The following NPAS2 variants were observed in gnomAD, a reference collection of about 807,000 sequenced individuals.
NPAS2 encodes the protein neuronal PAS domain-containing protein 2.
Under a neutral mutation model 107.5 loss-of-function variants are expected in NPAS2, and 23 were observed. The observed-to-expected ratio is 0.21, with a 90% confidence interval of 0.15 to 0.30. The LOEUF is 0.30. Ranked by LOEUF, NPAS2 falls within the 10% of genes least tolerant of loss-of-function variation. The pLI, the probability that NPAS2 is intolerant of heterozygous loss-of-function variation, is 1.00. For synonymous variants in NPAS2, 403 were observed against 417.5 expected (o/e 0.97, Z 0.42); for missense variants, 756 against 1,043.3 (o/e 0.72, Z 3.79).
intron 1 of NPAS2, among the ~76,000 whole-genome samples, chr2:100,868,975 AGT>A (rs1679403482): frequency 6.6e-6 from 1 of 152,130 alleles, no homozygotes; most frequent in East Asian, 1.9e-4. Context: ...TTCTGCACCC[AGT>A]CTGGAGTGCA....
At chr2:100,960,511 C>T (rs1034544879) in intron 7 of NPAS2, among the ~76,000 whole-genome samples, 9 of 151,880 alleles carry the variant, frequency 5.9e-5, no homozygotes, top group South Asian at 2.1e-4. Context: ...GACCACGCCA[C>T]GCACCTGCTC....
intron 6 of NPAS2, among the ~76,000 whole-genome samples, 158 bp from the exon 7 acceptor site, chr2:100,949,209 A>C (rs1675079682): frequency 6.6e-6 from 1 of 152,220 alleles, no homozygotes; most frequent in Non-Finnish European, 1.5e-5. Flanking sequence ...CTGTGCAGCA[A>C]GGTTACAAAC....
At position 100,886,571 on chromosome 2, in the gene NPAS2, T is replaced by A. The variant is rs111671456; in HGVS notation, c.-22-18162T>A. Among the ~76,000 whole-genome samples the A allele has an allele frequency of 4.9e-3, 747 of 152,318 alleles. 4 individuals are homozygous for A. The highest frequency in any genetic ancestry group is 0.017 in the African/African-American group (713 of 41,564). The stretch of plus-strand genomic sequence containing the variant: ...CCACATTCTAGCTGCTTTAAGGGAT[T>A]GTGTTCTCAGGTCTCACAGATGGCC... On this transcript the variant is annotated intron_variant, in intron 1 of 20. Transcript: ENST00000335681.
chr2:100,910,958 C>G (rs930777070), intron 2 of NPAS2, among the ~76,000 whole-genome samples: 1 of 152,190 alleles, frequency 6.6e-6, no homozygotes, highest in Non-Finnish European at 1.5e-5. Flanking sequence ...TCTCCAGACT[C>G]TAAGCCTGGG....
intron 1 of NPAS2, among the ~76,000 whole-genome samples, chr2:100,874,459 G>A (rs1409645568): frequency 6.6e-6 from 1 of 152,040 alleles, no homozygotes; most frequent in Admixed American, 6.6e-5. Flanking sequence ...AGATAAAAAT[G>A]GGCTGGGCAC....
At chr2:100,917,482 C>T (rs1447126710) in intron 2 of NPAS2, among the ~76,000 whole-genome samples, 3 of 151,972 alleles carry the variant, frequency 2.0e-5, no homozygotes, top group East Asian at 1.9e-4. Flanking sequence ...GAGCCGAGAT[C>T]GTGCCATTGC....
intron 16 of NPAS2, chr2:100,985,491 G>T (rs949346723): frequency 6.6e-6 from 1 of 152,256 alleles, no homozygotes; most frequent in Non-Finnish European, 1.5e-5. Context: ...TGCTGTTACA[G>T]TCTGTTACAT....
intron 1 of NPAS2, among the ~76,000 whole-genome samples, chr2:100,863,127 C>G (rs560297618): frequency 1.3e-5 from 2 of 152,142 alleles, no homozygotes; most frequent in Admixed American, 6.5e-5. Context: ...AACAACAGCC[C>G]GACCTTCTCA....
intron 2 of NPAS2, among the ~76,000 whole-genome samples, chr2:100,924,197 T>G (rs1683417171): frequency 6.6e-6 from 1 of 152,148 alleles, no homozygotes; most frequent in Non-Finnish European, 1.5e-5. Context: ...ATTATCAGCA[T>G]CCCCCACCAG....
At chr2:100,864,608 G>C (rs1679146146) in intron 1 of NPAS2, among the ~76,000 whole-genome samples, 1 of 152,186 alleles carries the variant, frequency 6.6e-6, no homozygotes, top group African/African-American at 2.4e-5. Context: ...CTTTTATATT[G>C]CTTGAACATC....
chr2:100,949,276 C>T (rs1675083889), intron 6 of NPAS2, 91 bp from the exon 7 acceptor site: 2 of 781,852 alleles, frequency 2.6e-6, no homozygotes, highest in African/African-American at 3.5e-5. Flanking sequence ...TAGACTAAAT[C>T]CCATAAGAGT....
intron 1 of NPAS2, among the ~76,000 whole-genome samples, chr2:100,898,490 C>T (rs1475660186): frequency 1.3e-5 from 2 of 152,106 alleles, no homozygotes; most frequent in East Asian, 3.9e-4. Context: ...GTAATTACTG[C>T]ACAACTTTAG....
chr2:100,919,806 C>T (rs978882413), intron 2 of NPAS2, among the ~76,000 whole-genome samples: 2 of 152,188 alleles, frequency 1.3e-5, no homozygotes, highest in Admixed American at 6.5e-5. Flanking sequence ...GACTATGCAC[C>T]CCTCAAAGCC....
At chr2:100,893,130 G>A (rs1681184978) in intron 1 of NPAS2, among the ~76,000 whole-genome samples, 1 of 152,190 alleles carries the variant, frequency 6.6e-6, no homozygotes, top group African/African-American at 2.4e-5. Context: ...AATGACAAAG[G>A]AAGATAAGTG....
At chr2:100,858,720 C>T (rs1411659058) in intron 1 of NPAS2, among the ~76,000 whole-genome samples, 2 of 152,174 alleles carry the variant, frequency 1.3e-5, no homozygotes, top group Non-Finnish European at 2.9e-5. Flanking sequence ...TTACTCCCTA[C>T]TTTATTTTTT....
intron 7 of NPAS2, among the ~76,000 whole-genome samples, chr2:100,957,725 G>C (rs1012446556): frequency 6.6e-5 from 10 of 152,136 alleles, no homozygotes; most frequent in Non-Finnish European, 1.2e-4. Flanking sequence ...AGGAGATCGA[G>C]ACCATCCTGG....
chr2:100,880,934 C>T (rs549554246), intron 1 of NPAS2, among the ~76,000 whole-genome samples: 4 of 152,202 alleles, frequency 2.6e-5, no homozygotes, highest in South Asian at 2.1e-4. Flanking sequence ...TTGAAGAGGC[C>T]GCCCAAGAAA....
At chr2:100,993,208 C>T in intron 19 of NPAS2, 139 bp from the exon 20 acceptor site, 2 of 698,422 alleles carry the variant, frequency 2.9e-6, no homozygotes, top group East Asian at 3.0e-5. Flanking sequence ...GCTGGGATTA[C>T]AGGCATGAGC....
intron 1 of NPAS2, among the ~76,000 whole-genome samples, chr2:100,830,388 A>G (rs995995120): frequency 1.3e-5 from 2 of 152,088 alleles, no homozygotes; most frequent in Non-Finnish European, 2.9e-5. Flanking sequence ...TTAGTTACAT[A>G]TGTATACATG....
Sources: allele counts gnomAD v4.1 joint callset (sites outside exome capture counted in the v4.1 genomes callset), GRCh38; gene constraint gnomAD v4.1.1; transcripts MANE v1.5; gene names NCBI Gene and HGNC (gene_info 2026-07-23, HGNC 2026-07-21).